Variants in ZNF483 observed in about 807,000 individuals in gnomAD.
ZNF483 encodes the protein zinc finger protein 483, also known as zinc finger protein HIT-10.
ZNF483 carries 9 observed loss-of-function variants against 28.6 expected under a neutral mutation model. That is an observed-to-expected ratio of 0.32 (90% CI 0.19 to 0.55). The LOEUF (loss-of-function observed/expected upper bound fraction) is 0.55. Ranked by LOEUF, ZNF483 falls within the 20% of genes least tolerant of loss-of-function variation. The probability of loss-of-function intolerance (pLI) is 0.93; values close to 1 mark genes in which losing one functional copy is unlikely to be tolerated. For missense variants in ZNF483, 675 were observed against 871.7 expected (o/e 0.77, Z 2.84); for synonymous variants, 322 against 306.2 (o/e 1.05, Z -0.54).
rs1336362510 is a variant in ZNF483 at position 111,546,180 on chromosome 9, C to T, written c.*3010C>T. On this transcript the variant is annotated 3_prime_UTR_variant, in exon 6 of 6. Coordinates refer to ENST00000309235, the MANE Select transcript of ZNF483 (RefSeq NM_133464.5). Reference sequence around the variant, plus strand: ...AATGTCAAAGCATCTTTTATGTGCTCTTCAGCCATTCATGTATCTTAGTGA... The same window carrying T: ...AATGTCAAAGCATCTTTTATGTGCTTTTCAGCCATTCATGTATCTTAGTGA... Among the ~76,000 whole-genome samples the T allele has an allele frequency of 6.6e-6, 1 of 152,170 alleles. No homozygotes were observed. Among genetic ancestry groups the T allele is most frequent in the Non-Finnish European group, 1.5e-5 (1 of 68,016 alleles).
In ZNF483 at chr9:111,548,130, A is replaced by G. The variant is rs946203852; in HGVS notation, c.*4960A>G. Among the ~76,000 whole-genome samples the G allele has an allele frequency of 6.6e-6, 1 of 152,048 alleles. No individual in the cohort carries two copies. Among genetic ancestry groups the G allele is most frequent in the African/African-American group, 2.4e-5 (1 of 41,402 alleles). On this transcript the variant is annotated 3_prime_UTR_variant, in exon 6 of 6. Transcript: ENST00000309235. Reference sequence around the variant, plus strand: ...TGTTCTTTCCCAAATTGTTTTGGCTATTTGGGGGTCCTTAAGATTTCAAAT... The same window carrying G: ...TGTTCTTTCCCAAATTGTTTTGGCTGTTTGGGGGTCCTTAAGATTTCAAAT...
intron 5 of ZNF483, chr9:111,539,451 G>A (rs1015107371): frequency 2.2e-6 from 1 of 455,980 alleles, no homozygotes; most frequent in South Asian, 1.5e-5. Flanking sequence ...TTTAGGAAGT[G>A]TGATTTGATA....
At chr9:111,559,901 A>G (rs1234476390), downstream of ZNF483, among the ~76,000 whole-genome samples, 1 of 152,166 alleles carries the variant, frequency 6.6e-6, no homozygotes, top group Non-Finnish European at 1.5e-5. Context: ...AAGACAAACC[A>G]TATTAGAAGT....
At chr9:111,541,533 GCT>G in intron 5 of ZNF483, 122 bp from the exon 6 acceptor site, 1 of 685,616 alleles carries the variant, frequency 1.5e-6, no homozygotes, top group Non-Finnish European at 2.2e-6. Flanking sequence ...ATTTTACAAA[GCT>G]CTTTTTGAGA....
chr9:111,561,166 AG>A (rs1828306415), intron 5 of ZNF483, among the ~76,000 whole-genome samples: 1 of 142,642 alleles, frequency 7.0e-6, no homozygotes, highest in Non-Finnish European at 1.5e-5. Flanking sequence ...AGAGAGAGAG[AG>A]AGAGAGAGAG....
At chr9:111,567,809 G>A (rs973556003) in intron 5 of ZNF483, among the ~76,000 whole-genome samples, 50 of 152,272 alleles carry the variant, frequency 3.3e-4, no homozygotes, top group African/African-American at 1.1e-3. Flanking sequence ...CTACTGTTGC[G>A]GGAAGTCAGG....
chr9:111,570,017 G>A (rs762364479), intron 5 of ZNF483: 1 of 1,595,514 alleles, frequency 6.3e-7, no homozygotes, highest in Admixed American at 1.8e-5. Context: ...AGAATTGGTA[G>A]AACAAAAGCC....
intron 5 of ZNF483, among the ~76,000 whole-genome samples, chr9:111,572,824 AGACCTTGT>A (rs1335844108): frequency 2.0e-5 from 3 of 151,968 alleles, no homozygotes; most frequent in Non-Finnish European, 2.9e-5. Context: ...AAACAGAGCA[AGACCTTGT>A]CTCAAAACAA....
intron 5 of ZNF483, chr9:111,570,149 C>A (rs545572614): frequency 2.5e-6 from 4 of 1,613,952 alleles, no homozygotes; most frequent in South Asian, 1.1e-5. Flanking sequence ...TCCTTGCCAG[C>A]GGTAGACGAC....
intron 5 of ZNF483, among the ~76,000 whole-genome samples, chr9:111,570,595 C>T (rs1828773807): frequency 6.6e-6 from 1 of 151,424 alleles, no homozygotes; most frequent in African/African-American, 2.4e-5. Flanking sequence ...ATAGTGAAAC[C>T]CCCGTCTCTT....
At chr9:111,528,739 C>T (rs1382944269) in intron 2 of ZNF483, among the ~76,000 whole-genome samples, 2 of 152,098 alleles carry the variant, frequency 1.3e-5, no homozygotes, top group South Asian at 2.1e-4. Context: ...TTCGCCATCA[C>T]GCAGCTAATT....
rs1209642959 is a variant in ZNF483 at position 111,527,588 on chromosome 9, G to C, written c.193G>C (p.Gly65Arg). 1 of 1,614,102 alleles carries C rather than the reference G, an allele frequency of 6.2e-7. No individual in the cohort carries two copies. The highest frequency in any genetic ancestry group is 8.5e-7 in the Non-Finnish European group (1 of 1,180,056). Reference protein sequence around the residue: ...FRWFCYSEVAGPRKALSQLWE... With the variant: ...FRWFCYSEVARPRKALSQLWE... ...GTGGTTTTGTTACTCAGAAGTAGCTGGACCCAGGAAAGCTCTGAGTCAACT... is the reference window on the plus strand; with the variant it reads ...GTGGTTTTGTTACTCAGAAGTAGCTCGACCCAGGAAAGCTCTGAGTCAACT... The change falls in exon 2 of 6, where the codon GGA becomes CGA. Residue 65 changes from glycine (G) to arginine (R), a missense_variant. Transcript: ENST00000309235.
rs938494425 is a variant in ZNF483, at chr9:111,553,110, TACACTC to T, written c.*9943_*9948del. On this transcript the variant is annotated 3_prime_UTR_variant, in exon 6 of 6. Transcript: ENST00000309235. ...TAATTTTGTGTATTCTTTTTTGACT[TACACTC>T]ACTAAATGGTTGCTAAAAATTACAT... 4.6e-5 allele frequency among the ~76,000 whole-genome samples: 7 copies of T among 152,228 alleles called. No homozygotes were observed. Among genetic ancestry groups the T allele is most frequent in the African/African-American group, 1.7e-4 (7 of 41,466 alleles).
rs79125485 is a variant in ZNF483 at position 111,573,977 on chromosome 9, G to T, written c.722-2388G>T. Among the ~76,000 whole-genome samples the T allele has an allele frequency of 1.3e-3, 193 of 152,244 alleles. 1 individual carries two copies. Among genetic ancestry groups the T allele is most frequent in the Non-Finnish European group, 2.3e-3 (156 of 68,000 alleles). ...GCTCCCTTCCCTTTTAGTGGCAATT[G>T]TCAGCCTGCTGAGGCCAAGACGCCC... On this transcript the variant is annotated intron_variant, in intron 5 of 5. Transcript: ENST00000358151.
chr9:111,541,114 G>A (rs1218671476), intron 5 of ZNF483, among the ~76,000 whole-genome samples: 2 of 134,464 alleles, frequency 1.5e-5, no homozygotes, highest in African/African-American at 5.8e-5. Flanking sequence ...TTTTGAGACA[G>A]AGCCTTGCTC....
In ZNF483 at chr9:111,550,155, C is replaced by T. The variant is rs1356723435; in HGVS notation, c.*6985C>T. Among the ~76,000 whole-genome samples the T allele has an allele frequency of 6.6e-6, 1 of 152,152 alleles. No individual in the cohort carries two copies. The highest frequency in any genetic ancestry group is 3.2e-3 in the Middle Eastern group (1 of 316). Reference sequence around the variant, plus strand: ...CTGTGTTGAATGCCTAAAGTTGTCTCAATTCTTTACAGAGCCTGCGTTTTT... The same window carrying T: ...CTGTGTTGAATGCCTAAAGTTGTCTTAATTCTTTACAGAGCCTGCGTTTTT... On this transcript the variant is annotated 3_prime_UTR_variant, in exon 6 of 6. Coordinates refer to ENST00000309235, the MANE Select transcript of ZNF483 (RefSeq NM_133464.5).
rs1031335308 is a variant in ZNF483 at position 111,550,538 on chromosome 9, G to A, written c.*7368G>A. ...AATGTTAACTGCAATTTACCACTCA[G>A]AATTTCCCCTAGAAGCTACAAGTGT... On this transcript the variant is annotated 3_prime_UTR_variant, in exon 6 of 6. Transcript: ENST00000309235. 6.6e-6 allele frequency among the ~76,000 whole-genome samples: 1 copy of A among 152,116 alleles called. No individual in the cohort carries two copies. Among genetic ancestry groups the A allele is most frequent in the Non-Finnish European group, 1.5e-5 (1 of 68,028 alleles).
At chr9:111,576,477 C>A in exon 6 of ZNF483, 1 of 1,607,054 alleles carries the variant, frequency 6.2e-7, no homozygotes, top group Non-Finnish European at 8.5e-7. Context: ...GGGGCCACTG[C>A]AGTGCAGTTC....
chr9:111,541,959 C>T lies in ZNF483; in HGVS notation c.1024C>T (p.His342Tyr). Residue 342 changes from histidine (H) to tyrosine (Y), a missense_variant, in exon 6 of 6, where the codon CAT becomes TAT. This residue lies in a region of ZNF483 where 525 missense variants were observed against 581.8 expected (regional missense o/e 0.90). Coordinates refer to ENST00000309235, the MANE Select transcript of ZNF483 (RefSeq NM_133464.5). Reference protein sequence around the residue: ...YNESKKPFSFHSDLVLNRKEK... With the variant: ...YNESKKPFSFYSDLVLNRKEK... ...TGAAAGCAAGAAACCCTTCAGTTTT[C>T]ATTCAGACCTTGTTCTGAACCGCAA... The T allele has an allele frequency of 6.2e-7, 1 of 1,614,082 alleles. No homozygotes were observed. Among genetic ancestry groups the T allele is most frequent in the African/African-American group, 1.3e-5 (1 of 75,012 alleles).
Sources: gnomAD v4.1 joint callset for allele counts (sites outside exome capture counted in the v4.1 genomes callset) on GRCh38, gnomAD v4.1.1 for gene constraint, gnomAD v4.1.1 regional missense constraint, MANE v1.5 for transcripts, NCBI Gene and HGNC (gene_info 2026-07-23, HGNC 2026-07-21) for gene names.